MAP2: variants seen among roughly 807,000 people sequenced by gnomAD.
The protein encoded by MAP2 is microtubule associated protein 2, also known as microtubule-associated protein 2.
MAP2 carries 14 observed loss-of-function variants against 137.6 expected under a neutral mutation model. The observed-to-expected ratio is 0.10, with a 90% CI of 0.07 to 0.16. The LOEUF (loss-of-function observed/expected upper bound fraction) is 0.16, where lower values mean the gene tolerates loss of function less well. Ranked by LOEUF, MAP2 falls within the 10% of genes least tolerant of loss-of-function variation. MAP2 has a pLI of 1.00. For missense variants in MAP2, 2,088 were observed against 2,191.5 expected (o/e 0.95, Z 0.94); for synonymous variants, 786 against 782.3 (o/e 1.00, Z -0.08).
chr2:209,615,781 G>A (rs1204061185), intron 3 of MAP2, among the ~76,000 whole-genome samples: 1 of 152,154 alleles, frequency 6.6e-6, no homozygotes, highest in Non-Finnish European at 1.5e-5. Flanking sequence ...TTCCTGTTTA[G>A]TGCGCTTTCC....
chr2:209,673,466 C>T (rs556188857), intron 5 of MAP2, among the ~76,000 whole-genome samples: 1 of 151,790 alleles, frequency 6.6e-6, no homozygotes, highest in African/African-American at 2.4e-5. Context: ...CATTCATTCA[C>T]AAAAGACAGA....
intron 5 of MAP2, among the ~76,000 whole-genome samples, chr2:209,660,646 C>T (rs1211765592): frequency 1.3e-5 from 2 of 149,182 alleles, no homozygotes; most frequent in Admixed American, 6.7e-5. Flanking sequence ...CCGCCTGCCT[C>T]TGCCTCCCAA....
intron 3 of MAP2, among the ~76,000 whole-genome samples, chr2:209,622,624 C>A (rs2091467670): frequency 6.6e-6 from 1 of 152,090 alleles, no homozygotes; most frequent in African/African-American, 2.4e-5. Context: ...AATGTTAAAA[C>A]TATGTTGTTA....
At chr2:209,532,570 C>T (rs1312296118) in intron 2 of MAP2, among the ~76,000 whole-genome samples, 3 of 152,148 alleles carry the variant, frequency 2.0e-5, no homozygotes, top group Admixed American at 6.5e-5. Flanking sequence ...GTCTGAAATC[C>T]AGTGCCTGCC....
At chr2:209,663,721 A>G (rs544152722) in intron 5 of MAP2, among the ~76,000 whole-genome samples, 33 of 152,308 alleles carry the variant, frequency 2.2e-4, no homozygotes, top group African/African-American at 7.2e-4. Context: ...CTGAAAATCC[A>G]TATTTTTAAT....
chr2:209,625,663 G>A (rs1360945978), intron 4 of MAP2, among the ~76,000 whole-genome samples: 1 of 152,110 alleles, frequency 6.6e-6, no homozygotes, highest in Non-Finnish European at 1.5e-5. Flanking sequence ...TATTAGGAGA[G>A]TAGTTTCATG....
At chr2:209,664,723 C>T (rs1647637615) in intron 5 of MAP2, among the ~76,000 whole-genome samples, 1 of 151,684 alleles carries the variant, frequency 6.6e-6, no homozygotes, top group African/African-American at 2.4e-5. Context: ...TTTGGAAGGC[C>T]AAGGCAGGCA....
intron 1 of MAP2, among the ~76,000 whole-genome samples, chr2:209,505,271 A>G (rs2060893889): frequency 6.6e-6 from 1 of 152,186 alleles, no homozygotes; most frequent in South Asian, 2.1e-4. Flanking sequence ...AATATGTTTA[A>G]GTCCTAACAA....
intron 2 of MAP2, among the ~76,000 whole-genome samples, chr2:209,522,656 G>A (rs1326565489): frequency 6.6e-6 from 1 of 152,092 alleles, no homozygotes; most frequent in Non-Finnish European, 1.5e-5. Context: ...TAAGGACGTG[G>A]CCTAAGACCT....
At chr2:209,685,751 T>TAAATGGTAAATTA (rs1553656312) in intron 7 of MAP2, among the ~76,000 whole-genome samples, 4 of 152,198 alleles carry the variant, frequency 2.6e-5, no homozygotes, top group African/African-American at 7.2e-5. Context: ...ACCATTTTTT[T>TAAATGGTAAATTA]AAATGCTATA....
chr2:209,525,347 A>G (rs1428223489), intron 2 of MAP2, among the ~76,000 whole-genome samples: 1 of 152,190 alleles, frequency 6.6e-6, no homozygotes, highest in Non-Finnish European at 1.5e-5. Context: ...TAGGCATAAA[A>G]CAGCTAAAAA....
chr2:209,506,006 C>T (rs1021561195), intron 1 of MAP2, among the ~76,000 whole-genome samples: 3 of 151,944 alleles, frequency 2.0e-5, no homozygotes. Context: ...GAAAACATTT[C>T]ACCATTCCCC....
rs776266690 is a variant in MAP2, at chr2:209,631,005, C to CAAAAAAAAAAAAAAAAAAAAAAA, written c.-30+5884_-30+5906dup. Among the ~76,000 whole-genome samples the CAAAAAAAAAAAAAAAAAAAAAAA allele has an allele frequency of 5.0e-4, 21 of 42,138 alleles. 9 individuals are homozygous for CAAAAAAAAAAAAAAAAAAAAAAA. Among genetic ancestry groups the CAAAAAAAAAAAAAAAAAAAAAAA allele is most frequent in the Admixed American group, 1.1e-3 (2 of 1,856 alleles). The allele number at this position is 42,138 out of a possible 152,430, so 27.6% of individuals were successfully genotyped here. On this transcript the variant is annotated intron_variant, in intron 4 of 15. Transcript: ENST00000682079. ...TTTCAAGATTGAAGGGAGCTACAAG[C>CAAAAAAAAAAAAAAAAAAAAAAA]AAAAAAAAAAAAAAAAAAAAAAAAA...
intron 3 of MAP2, among the ~76,000 whole-genome samples, chr2:209,601,663 C>G (rs879396495): frequency 1.4e-4 from 21 of 152,024 alleles, no homozygotes; most frequent in Admixed American, 1.3e-3. Flanking sequence ...GAGAGAAATG[C>G]TAATTTATTC....
chr2:209,582,361 T>C (rs899096326), intron 3 of MAP2, among the ~76,000 whole-genome samples: 2 of 152,144 alleles, frequency 1.3e-5, no homozygotes, highest in Non-Finnish European at 2.9e-5. Context: ...GAATAGGATT[T>C]TTCTGGTTTT....
At chr2:209,651,339 C>T (rs2094783488) in intron 4 of MAP2, among the ~76,000 whole-genome samples, 1 of 152,150 alleles carries the variant, frequency 6.6e-6, no homozygotes, top group Admixed American at 6.5e-5. Context: ...TACACAATAT[C>T]TGGGGACGGA....
chr2:209,556,382 T>C (rs2070663428), intron 2 of MAP2, among the ~76,000 whole-genome samples: 1 of 152,178 alleles, frequency 6.6e-6, no homozygotes, highest in Non-Finnish European at 1.5e-5. Flanking sequence ...GGTTCTACCA[T>C]TTATTTGCTC....
At chr2:209,704,316 G>A (rs184555279) in intron 11 of MAP2, 1 of 704,614 alleles carries the variant, frequency 1.4e-6, no homozygotes, top group Admixed American at 3.2e-5. Flanking sequence ...CTCTATCATT[G>A]ATTATAACCA....
intron 1 of MAP2, among the ~76,000 whole-genome samples, chr2:209,486,212 A>G (rs1434698333): frequency 2.0e-5 from 3 of 150,364 alleles, no homozygotes; most frequent in Non-Finnish European, 4.4e-5. Context: ...ACTTGCTTGT[A>G]TATTCTATTT....
Sources: allele counts gnomAD v4.1 joint callset (sites outside exome capture counted in the v4.1 genomes callset), GRCh38; gene constraint gnomAD v4.1.1; transcripts MANE v1.5; gene names NCBI Gene and HGNC (gene_info 2026-07-23, HGNC 2026-07-21).